NMS: variants seen among roughly 807,000 people sequenced by gnomAD.
NMS encodes neuromedin S, also known as neuromedin-S.
In NMS, 30 loss-of-function variants were observed where a neutral mutation model predicts 32.2. That is an observed-to-expected ratio of 0.93 (90% CI 0.70 to 1.26). The LOEUF is 1.26. Among genes scored for constraint, NMS ranks in the 50% most tolerant of loss-of-function variants. The pLI is 0.00. For synonymous variants in NMS, 76 were observed against 58.5 expected (o/e 1.30, Z -1.37); for missense variants, 190 against 186.3 (o/e 1.02, Z -0.12).
intron 9 of NMS, 66 bp downstream of exon 9, chr2:100,482,377 G>A: frequency 1.4e-6 from 2 of 1,470,368 alleles, no homozygotes; most frequent in Non-Finnish European, 1.9e-6. Flanking sequence ...GTGTCTGACT[G>A]GAGAGAGTGA....
At chr2:100,476,693 C>A (rs112369625) in intron 3 of NMS, among the ~76,000 whole-genome samples, 67 of 151,748 alleles carry the variant, frequency 4.4e-4, no homozygotes, top group South Asian at 2.3e-3. Context: ...AGTCTTCTTC[C>A]CGGCATCTCC....
intron 3 of NMS, 126 bp from the exon 4 acceptor site, chr2:100,477,118 T>C: frequency 1.3e-6 from 1 of 743,240 alleles, no homozygotes; most frequent in East Asian, 2.7e-5. Context: ...TCTTTTTAGA[T>C]TGCCAATTTA....
chr2:100,478,930 T>C (rs943669803), intron 5 of NMS, among the ~76,000 whole-genome samples: 1 of 152,190 alleles, frequency 6.6e-6, no homozygotes, highest in East Asian at 1.9e-4. Context: ...CGCACGGCAG[T>C]CACAGACAAG....
intron 3 of NMS, among the ~76,000 whole-genome samples, chr2:100,474,004 C>T (rs1677053527): frequency 6.6e-6 from 1 of 152,120 alleles, no homozygotes; most frequent in South Asian, 2.1e-4. Flanking sequence ...AAGGTGAAAC[C>T]ATGTCTCTAC....
At chr2:100,474,519 CA>C (rs1478671895) in intron 3 of NMS, among the ~76,000 whole-genome samples, 4 of 152,208 alleles carry the variant, frequency 2.6e-5, no homozygotes. Context: ...TACCTGGTTT[CA>C]AAATCCAGCT....
chr2:100,473,573 A>T, intron 3 of NMS, 34 bp downstream of exon 3: 4 of 785,544 alleles, frequency 5.1e-6, no homozygotes, highest in South Asian at 4.1e-5. Context: ...ATATATATAA[A>T]ATATATATAT....
At chr2:100,478,039 G>A (rs1677144925) in intron 5 of NMS, among the ~76,000 whole-genome samples, 1 of 152,152 alleles carries the variant, frequency 6.6e-6, no homozygotes, top group Non-Finnish European at 1.5e-5. Flanking sequence ...TCAGCTTACT[G>A]CAACCTCCGC....
rs542876209 is a variant in NMS at position 100,482,402 on chromosome 2, G to A, written c.449+91G>A. 1.6e-4 allele frequency: 197 copies of A among 1,212,622 alleles called. No individual in the cohort carries two copies. In the African/African-American group the frequency reaches 2.6e-3, roughly 16 times the overall value. 75.1% of individuals were successfully genotyped at this position (1,212,622 alleles called of 1,614,324 possible). A position where few individuals can be genotyped will look rare whatever the true frequency, so the allele number is the denominator to read the frequency against. ...GGAGAGAGTGAGAGGCAGCCATGGG[G>A]AGGACCATTGTTCAAGAAATGAGGA... is the stretch of plus-strand genomic sequence containing the variant. On this transcript the variant is annotated intron_variant, in intron 9 of 9. Transcript: ENST00000376865.
Position 100,477,428 on chromosome 2 carries a change from T to G in NMS, c.261+14T>G. The G allele has an allele frequency of 6.3e-7, 1 of 1,598,312 alleles. No individual in the cohort carries two copies. The highest frequency in any genetic ancestry group is 1.1e-5 in the South Asian group (1 of 90,382). On this transcript the variant is annotated intron_variant, in intron 5 of 9. Coordinates refer to ENST00000376865, the MANE Select transcript of NMS (RefSeq NM_001011717.1). ...GTTAAAACTGGGGTCAGTATTTTAT[T>G]ATAATCATCTGTCTGTAAAAGTGGC... is the stretch of plus-strand genomic sequence containing the variant.
chr2:100,482,405 G>A (rs895760214), intron 9 of NMS, 94 bp downstream of exon 9: 9 of 1,204,512 alleles, frequency 7.5e-6, no homozygotes, highest in South Asian at 7.3e-5. Flanking sequence ...CCATGGGGAG[G>A]ACCATTGTTC....
chr2:100,473,446 C>A, intron 2 of NMS, 43 bp from the exon 3 acceptor site: 1 of 1,189,766 alleles, frequency 8.4e-7, no homozygotes, highest in Non-Finnish European at 1.2e-6. Flanking sequence ...CTCTCTTCAT[C>A]CCCCTCATCC....
At chr2:100,481,505 T>G (rs1677215078) in intron 8 of NMS, among the ~76,000 whole-genome samples, 1 of 152,182 alleles carries the variant, frequency 6.6e-6, no homozygotes, top group Non-Finnish European at 1.5e-5. Context: ...AGGAGGAGCT[T>G]AGGCACCATC....
rs1314414545 is a variant in NMS at position 100,470,966 on chromosome 2, G to A, written c.76+402G>A. ...ACAGCCCCAGAGAGTGGAAATTGATGGGCAGTTCGAGAAGGGCGCGGGAGG... is the reference window on the plus strand; with the variant it reads ...ACAGCCCCAGAGAGTGGAAATTGATAGGCAGTTCGAGAAGGGCGCGGGAGG... On this transcript the variant is annotated intron_variant, in intron 1 of 9. Transcript: ENST00000376865. Among the ~76,000 whole-genome samples the A allele has an allele frequency of 3.3e-5, 5 of 152,338 alleles. 1 individual carries two copies. Among genetic ancestry groups the A allele is most frequent in the Non-Finnish European group, 7.4e-5 (5 of 68,022 alleles).
intron 5 of NMS, among the ~76,000 whole-genome samples, chr2:100,478,665 T>C (rs751687551): frequency 6.6e-6 from 1 of 152,232 alleles, no homozygotes; most frequent in Non-Finnish European, 1.5e-5. Flanking sequence ...GGTTTCACCA[T>C]GTTGGCCAAG....
Position 100,477,435 on chromosome 2 carries a change from A to G in NMS, c.261+21A>G, listed in dbSNP as rs113803148. Reference sequence around the variant, plus strand: ...CTGGGGTCAGTATTTTATTATAATCATCTGTCTGTAAAAGTGGCTCTCCTC... The same window carrying G: ...CTGGGGTCAGTATTTTATTATAATCGTCTGTCTGTAAAAGTGGCTCTCCTC... On this transcript the variant is annotated intron_variant, in intron 5 of 9. Transcript: ENST00000376865. 59 of 1,589,762 alleles carry G rather than the reference A, an allele frequency of 3.7e-5. No homozygotes were observed. The African/African-American group carries it at 5.4e-4, about 14-fold the overall frequency.
intron 6 of NMS, among the ~76,000 whole-genome samples, 165 bp downstream of exon 6, chr2:100,479,592 G>A (rs554703771): frequency 1.3e-5 from 2 of 152,314 alleles, no homozygotes; most frequent in South Asian, 2.1e-4. Context: ...TGACCTCCCC[G>A]GGCCTCAGTT....
chr2:100,480,477 G>A lies in NMS; in HGVS notation c.337-19G>A, dbSNP rs1206404500. The A allele has an allele frequency of 1.2e-6, 2 of 1,613,330 alleles. No individual in the cohort carries two copies. The highest frequency in any genetic ancestry group is 1.7e-6 in the Non-Finnish European group (2 of 1,179,676). ...GATGTGGTTCCTGTTGAATTAACCT[G>A]TGCCTCATTTCCTTGCAGGGCTCGG... On this transcript the variant is annotated intron_variant, in intron 6 of 9. Coordinates refer to ENST00000376865, the MANE Select transcript of NMS (RefSeq NM_001011717.1).
chr2:100,471,815 T>C (rs1677011440), intron 1 of NMS, among the ~76,000 whole-genome samples: 1 of 152,220 alleles, frequency 6.6e-6, no homozygotes, highest in Non-Finnish European at 1.5e-5. Context: ...TTTATTCTGT[T>C]ATTTGGGGGA....
chr2:100,477,467 T>C, intron 5 of NMS, 53 bp downstream of exon 5: 1 of 1,328,340 alleles, frequency 7.5e-7, no homozygotes, highest in Non-Finnish European at 1.1e-6. Context: ...CCTCTGCATG[T>C]CGTCCATCCT....
Sources: gnomAD v4.1 joint callset for allele counts (sites outside exome capture counted in the v4.1 genomes callset) on GRCh38, gnomAD v4.1.1 for gene constraint, MANE v1.5 for transcripts, NCBI Gene and HGNC (gene_info 2026-07-23, HGNC 2026-07-21) for gene names.